The following RALYL variants were observed in gnomAD, a reference collection of about 807,000 sequenced individuals.
RALYL encodes RALY RNA binding protein like, also known as RNA-binding Raly-like protein.
RALYL carries 29 observed loss-of-function variants against 35.1 expected under a neutral mutation model. The ratio of observed to expected loss-of-function variants is 0.83; its 90% CI spans 0.61 to 1.13. The LOEUF is 1.13. Among genes scored for constraint, RALYL ranks in the 50% most tolerant of loss-of-function variants. The pLI, the probability that RALYL is intolerant of heterozygous loss-of-function variation, is 0.00. For missense variants in RALYL, 359 were observed against 360.4 expected (o/e 1.00, Z 0.03); for synonymous variants, 120 against 127.6 (o/e 0.94, Z 0.40).
chr8:84,279,938 G>T (rs1199265766), intron 1 of RALYL, among the ~76,000 whole-genome samples: 7 of 152,182 alleles, frequency 4.6e-5, no homozygotes, highest in African/African-American at 1.7e-4. Flanking sequence ...TTCTTGGGGT[G>T]AGGATGTGGA....
intron 6 of RALYL, among the ~76,000 whole-genome samples, chr8:84,870,803 T>TATAG (rs1840061506): frequency 6.6e-6 from 1 of 152,072 alleles, no homozygotes; most frequent in South Asian, 2.1e-4. Context: ...GTACCCCATA[T>TATAG]ATAGATAGTG....
chr8:84,772,643 A>G (rs1815837636), intron 2 of RALYL, among the ~76,000 whole-genome samples: 1 of 152,116 alleles, frequency 6.6e-6, no homozygotes, highest in Admixed American at 6.6e-5. Flanking sequence ...ATTGTTGTAT[A>G]GAGATATACA....
At chr8:84,513,326 A>G (rs1433560538) in intron 1 of RALYL, among the ~76,000 whole-genome samples, 1 of 151,964 alleles carries the variant, frequency 6.6e-6, no homozygotes, top group East Asian at 1.9e-4. Flanking sequence ...GTTTGTTATT[A>G]TTGATTTTTT....
At chr8:84,708,560 C>A (rs541067029) in intron 2 of RALYL, among the ~76,000 whole-genome samples, 86 of 152,048 alleles carry the variant, frequency 5.7e-4, no homozygotes, top group Middle Eastern at 3.4e-3. Flanking sequence ...AGGTACAGAC[C>A]AATTTAAGGA....
At chr8:84,479,370 A>G (rs2133858482) in intron 1 of RALYL, among the ~76,000 whole-genome samples, 1 of 152,254 alleles carries the variant, frequency 6.6e-6, no homozygotes, top group African/African-American at 2.4e-5. Flanking sequence ...CATAGCCTAA[A>G]CATTTATATA....
chr8:84,376,213 T>A (rs1418217281), intron 1 of RALYL, among the ~76,000 whole-genome samples: 2 of 151,736 alleles, frequency 1.3e-5, no homozygotes, highest in Admixed American at 1.3e-4. Flanking sequence ...AAAGAAAAAA[T>A]TTGAACTAAG....
chr8:84,477,730 G>A (rs958964446), intron 1 of RALYL, among the ~76,000 whole-genome samples: 9 of 151,380 alleles, frequency 5.9e-5, no homozygotes, highest in Admixed American at 4.6e-4. Flanking sequence ...GTCACAGAAA[G>A]TAATTTTTAC....
chr8:84,470,482 T>A (rs2052582728), intron 1 of RALYL, among the ~76,000 whole-genome samples: 1 of 149,872 alleles, frequency 6.7e-6, no homozygotes, highest in Admixed American at 6.6e-5. Context: ...TTTTTTTTTC[T>A]GTTGCCAAAA....
At chr8:84,498,180 C>G (rs758235223) in intron 1 of RALYL, among the ~76,000 whole-genome samples, 22 of 151,920 alleles carry the variant, frequency 1.4e-4, no homozygotes, top group Non-Finnish European at 2.8e-4. Flanking sequence ...CATGTATCAA[C>G]CAGTAGCTAC....
chr8:84,641,812 A>G (rs972591448), intron 2 of RALYL, among the ~76,000 whole-genome samples: 1 of 146,452 alleles, frequency 6.8e-6, no homozygotes, highest in African/African-American at 2.6e-5. Flanking sequence ...AAAAAAACTC[A>G]TATACACAAA....
At chr8:84,182,797 A>G (rs1437292278), upstream of RALYL, 2 of 152,380 alleles carry the variant, frequency 1.3e-5, no homozygotes, top group Admixed American at 6.5e-5. Flanking sequence ...AGATCTAGGG[A>G]GGAGGGAACA....
At chr8:84,200,863 CTA>C (rs1005406034) in intron 1 of RALYL, among the ~76,000 whole-genome samples, 1 of 152,114 alleles carries the variant, frequency 6.6e-6, no homozygotes, top group African/African-American at 2.4e-5. Context: ...AGTTCACAAA[CTA>C]TGAGTATATT....
At chr8:84,603,651 G>A (rs1157956765) in intron 2 of RALYL, among the ~76,000 whole-genome samples, 1 of 152,030 alleles carries the variant, frequency 6.6e-6, no homozygotes, top group African/African-American at 2.4e-5. Flanking sequence ...GAAAGAGCTA[G>A]GTAATGACTC....
chr8:84,573,509 A>T (rs1302660990), intron 2 of RALYL, among the ~76,000 whole-genome samples: 2 of 151,834 alleles, frequency 1.3e-5, no homozygotes, highest in South Asian at 4.1e-4. Flanking sequence ...CAACAATTTC[A>T]TTAGAAAATA....
chr8:84,340,571 A>C (rs1455405694), intron 1 of RALYL, among the ~76,000 whole-genome samples: 1 of 152,092 alleles, frequency 6.6e-6, no homozygotes, highest in Non-Finnish European at 1.5e-5. Context: ...TACTTGGCAT[A>C]ATGTCCTCCA....
intron 2 of RALYL, among the ~76,000 whole-genome samples, chr8:84,773,831 A>G (rs1332569868): frequency 6.6e-6 from 1 of 152,232 alleles, no homozygotes; most frequent in Admixed American, 6.5e-5. Context: ...CCTCCTATGA[A>G]CAGAACTCTA....
intron 3 of RALYL, among the ~76,000 whole-genome samples, chr8:84,776,221 A>T (rs1377631132): frequency 6.6e-6 from 1 of 152,138 alleles, no homozygotes; most frequent in Non-Finnish European, 1.5e-5. Context: ...TCAGCCACTT[A>T]TAGCCTCATT....
intron 2 of RALYL, among the ~76,000 whole-genome samples, chr8:84,573,527 A>G (rs182543762): frequency 5.9e-5 from 9 of 151,906 alleles, no homozygotes; most frequent in African/African-American, 1.9e-4. Context: ...ATACTTTGGT[A>G]TCGTTGTCTT....
chr8:84,514,200 T>C (rs2057873197), intron 1 of RALYL, among the ~76,000 whole-genome samples: 1 of 150,360 alleles, frequency 6.7e-6, no homozygotes, highest in Non-Finnish European at 1.5e-5. Flanking sequence ...ACTTTAGCTT[T>C]ACAAAGTAAG....
Sources: allele counts gnomAD v4.1 joint callset (sites outside exome capture counted in the v4.1 genomes callset), GRCh38; gene constraint gnomAD v4.1.1; transcripts MANE v1.5; gene names NCBI Gene and HGNC (gene_info 2026-07-23, HGNC 2026-07-21).